NXN: variants seen among roughly 807,000 people sequenced by gnomAD.
The protein encoded by NXN is nucleoredoxin.
In NXN, 16 loss-of-function variants were observed where a neutral mutation model predicts 48.6. The ratio of observed to expected loss-of-function variants is 0.33; its 90% CI spans 0.22 to 0.50. The LOEUF is 0.50. Ranked by LOEUF, NXN falls within the 20% of genes least tolerant of loss-of-function variation. The pLI, the probability that NXN is intolerant of heterozygous loss-of-function variation, is 0.98. For missense variants in NXN, 492 were observed against 605.5 expected (o/e 0.81, Z 1.97); for synonymous variants, 281 against 269.6 (o/e 1.04, Z -0.41).
At chr17:947,883 C>CA (rs71145800) in intron 1 of NXN, among the ~76,000 whole-genome samples, 5,351 of 119,188 alleles carry the variant, frequency 0.045, 409 homozygotes, top group African/African-American at 0.17. Flanking sequence ...TACTGAAATA[C>CA]AAAAAAAAAA....
chr17:850,740 A>C (rs1406460853), intron 1 of NXN, among the ~76,000 whole-genome samples: 2 of 152,224 alleles, frequency 1.3e-5, no homozygotes, highest in Non-Finnish European at 2.9e-5. Context: ...CTCCCGAGGT[A>C]GAATCACACA....
chr17:900,770 A>G (rs2457278), intron 1 of NXN, among the ~76,000 whole-genome samples: 91,738 of 151,816 alleles, frequency 0.6, 27,919 homozygotes, highest in Middle Eastern at 0.74. Flanking sequence ...CTCTTCATGG[A>G]AAGTTTTCTA....
chr17:950,575 G>A, intron 1 of NXN, among the ~76,000 whole-genome samples: 1 of 151,594 alleles, frequency 6.6e-6, no homozygotes, highest in South Asian at 2.1e-4. Context: ...GGGGTGGGTG[G>A]GGTGCAAACG....
chr17:812,903 CATGT>C (rs56402741), intron 5 of NXN, among the ~76,000 whole-genome samples: 3,377 of 120,738 alleles, frequency 0.028, 43 homozygotes, highest in Middle Eastern at 0.17. Flanking sequence ...TAGGTGTGTG[CATGT>C]GTGACTGTAG....
chr17:931,881 C>T (rs1057430574), intron 1 of NXN, among the ~76,000 whole-genome samples: 4 of 147,986 alleles, frequency 2.7e-5, no homozygotes, highest in Non-Finnish European at 4.4e-5. Flanking sequence ...CAGTGGCTCA[C>T]GCCTGTAATC....
intron 1 of NXN, among the ~76,000 whole-genome samples, chr17:831,464 T>C (rs1913468009): frequency 1.5e-5 from 1 of 68,558 alleles, no homozygotes; most frequent in Non-Finnish European, 2.5e-5. Context: ...TTCATTTATT[T>C]ATTTATTTAT....
chr17:835,267 C>T (rs1195103045), intron 1 of NXN, among the ~76,000 whole-genome samples: 1 of 148,930 alleles, frequency 6.7e-6, no homozygotes, highest in Admixed American at 6.7e-5. Flanking sequence ...GAGATCGTGC[C>T]ACTGCACTCC....
rs1205041808 is a variant in NXN, at chr17:920,349, A to G, written c.360+58970T>C. Among the ~76,000 whole-genome samples the G allele has an allele frequency of 6.6e-6, 1 of 152,104 alleles. No homozygotes were observed. The highest frequency in any genetic ancestry group is 1.5e-5 in the Non-Finnish European group (1 of 68,004). On this transcript the variant is annotated intron_variant, in intron 1 of 7. Coordinates refer to ENST00000336868, the MANE Select transcript of NXN (RefSeq NM_022463.5). The surrounding 1 kb of genome is among the most constrained non-coding windows in gnomAD (Gnocchi z 4.6). ...AGCCAAGGGGGCCGATGAGGTGCCCATGTGGCTCTCCTCCCAGCCCCGAGC... is the reference window on the plus strand; with the variant it reads ...AGCCAAGGGGGCCGATGAGGTGCCCGTGTGGCTCTCCTCCCAGCCCCGAGC...
At chr17:913,361 C>A (rs1270954033) in intron 1 of NXN, among the ~76,000 whole-genome samples, 1 of 152,154 alleles carries the variant, frequency 6.6e-6, no homozygotes, top group Non-Finnish European at 1.5e-5. Flanking sequence ...TCTGAAAAGT[C>A]CATTCGCTTG....
chr17:901,463 G>A (rs1163117827), intron 1 of NXN, among the ~76,000 whole-genome samples: 1 of 152,130 alleles, frequency 6.6e-6, no homozygotes, highest in Non-Finnish European at 1.5e-5. Context: ...GATCCCAAGT[G>A]ACTCAAATGC....
intron 2 of NXN, 105 bp from the exon 3 acceptor site, chr17:823,870 C>T (rs962464942): frequency 1.3e-5 from 15 of 1,172,348 alleles, no homozygotes; most frequent in East Asian, 2.4e-5. Flanking sequence ...ACCTGGGACC[C>T]GGGAGACCTC....
chr17:970,916 T>C (rs973531910), intron 1 of NXN, among the ~76,000 whole-genome samples: 7 of 151,364 alleles, frequency 4.6e-5, no homozygotes, highest in Non-Finnish European at 8.8e-5. Context: ...TATTAAAGCA[T>C]GGCATGACAG....
chr17:827,707 A>G (rs1407716888), intron 1 of NXN, among the ~76,000 whole-genome samples: 1 of 152,234 alleles, frequency 6.6e-6, no homozygotes, highest in Non-Finnish European at 1.5e-5. Flanking sequence ...AGAGTGCCCC[A>G]CTGTTTAGGC....
intron 2 of NXN, among the ~76,000 whole-genome samples, chr17:824,833 G>A (rs912508050): frequency 2.0e-5 from 3 of 152,158 alleles, no homozygotes; most frequent in Non-Finnish European, 4.4e-5. Flanking sequence ...CCTCAAAGTC[G>A]CTTGGGGGCT....
chr17:916,320 C>A (rs1179890597), intron 1 of NXN, among the ~76,000 whole-genome samples: 1 of 152,140 alleles, frequency 6.6e-6, no homozygotes, highest in East Asian at 1.9e-4. Context: ...CTTCTTCCTG[C>A]TGAAAATGAG....
At chr17:862,380 T>C (rs1345143651) in intron 1 of NXN, among the ~76,000 whole-genome samples, 1 of 152,058 alleles carries the variant, frequency 6.6e-6, no homozygotes, top group Non-Finnish European at 1.5e-5. Context: ...AAAACTTAGG[T>C]GGGTGTGGTG....
At position 824,035 on chromosome 17, in the gene NXN, CATT is replaced by C. The variant is rs1193999493; in HGVS notation, c.479-273_479-271del. On this transcript the variant is annotated intron_variant, in intron 2 of 7. Coordinates refer to ENST00000336868, the MANE Select transcript of NXN (RefSeq NM_022463.5). ...GGTCACAAGGTCTGTCTTCCAGGGA[CATT>C]TTTTTTTTTTTTTTTTTTTGAGGTA... Among the ~76,000 whole-genome samples, 801 of 124,314 alleles carry C rather than the reference CATT, an allele frequency of 6.4e-3. 6 individuals are homozygous for C. Among genetic ancestry groups the C allele is most frequent in the African/African-American group, 0.023 (732 of 31,280 alleles). The allele number at this position is 124,314 out of a possible 152,430, so 81.6% of individuals were successfully genotyped here.
chr17:915,563 A>G (rs1394128068), intron 1 of NXN, among the ~76,000 whole-genome samples: 1 of 152,142 alleles, frequency 6.6e-6, no homozygotes, highest in Non-Finnish European at 1.5e-5. Flanking sequence ...GGGATTACAG[A>G]TATAAGACAC....
At chr17:890,176 C>A (rs79923654) in intron 1 of NXN, among the ~76,000 whole-genome samples, 3,737 of 152,088 alleles carry the variant, frequency 0.025, 157 homozygotes, top group African/African-American at 0.085. Flanking sequence ...CATCTAAGAA[C>A]AGAAAAAAAC....
Sources: allele counts gnomAD v4.1 joint callset (sites outside exome capture counted in the v4.1 genomes callset), GRCh38; gene constraint gnomAD v4.1.1; non-coding constraint Gnocchi (gnomAD v3.1); transcripts MANE v1.5; gene names NCBI Gene and HGNC (gene_info 2026-07-23, HGNC 2026-07-21).